Variants in ARHGAP10 observed in about 807,000 individuals in gnomAD.
The protein encoded by ARHGAP10 is rho GTPase-activating protein 10.
In ARHGAP10, 87 loss-of-function variants were observed where a neutral mutation model predicts 108.6. That is an observed-to-expected ratio of 0.80 (90% CI 0.67 to 0.96). ARHGAP10 has a LOEUF of 0.96. Among genes scored for constraint, ARHGAP10 ranks in the 40% least tolerant of loss-of-function variants. The pLI, the probability that ARHGAP10 is intolerant of heterozygous loss-of-function variation, is 0.00. For missense variants in ARHGAP10, 939 were observed against 954.5 expected (o/e 0.98, Z 0.21); for synonymous variants, 347 against 341.1 (o/e 1.02, Z -0.19).
At chr4:147,873,681 A>AACACACACACACACACAC (rs67852364) in intron 7 of ARHGAP10, among the ~76,000 whole-genome samples, 10,673 of 98,498 alleles carry the variant, frequency 0.11, 998 homozygotes, top group South Asian at 0.14. Flanking sequence ...CAAAAAACAA[A>AACACACACACACACACAC]ACACACACAC....
intron 1 of ARHGAP10, among the ~76,000 whole-genome samples, chr4:147,817,716 G>T (rs1732314268): frequency 6.6e-6 from 1 of 152,206 alleles, no homozygotes; most frequent in Non-Finnish European, 1.5e-5. Flanking sequence ...AAGTTCATTT[G>T]AAGGGTGCAG....
chr4:147,930,298 A>G (rs938958701), intron 13 of ARHGAP10, among the ~76,000 whole-genome samples: 2 of 152,174 alleles, frequency 1.3e-5, no homozygotes, highest in Non-Finnish European at 2.9e-5. Flanking sequence ...TTGTTGTTGT[A>G]TCTTTTTCTG....
At chr4:147,746,488 C>T (rs1728930398) in intron 1 of ARHGAP10, among the ~76,000 whole-genome samples, 1 of 151,508 alleles carries the variant, frequency 6.6e-6, no homozygotes, top group Non-Finnish European at 1.5e-5. Flanking sequence ...GCAACCTCCA[C>T]CTCCTGGGTT....
At chr4:147,978,856 G>T (rs114050260) in intron 18 of ARHGAP10, among the ~76,000 whole-genome samples, 1 of 152,092 alleles carries the variant, frequency 6.6e-6, no homozygotes, top group Admixed American at 6.6e-5. Context: ...CCATTTGTCC[G>T]TCTTCTTTTG....
intron 20 of ARHGAP10, among the ~76,000 whole-genome samples, chr4:148,049,042 A>G (rs1335716047): frequency 1.3e-5 from 2 of 150,874 alleles, no homozygotes; most frequent in African/African-American, 2.5e-5. Flanking sequence ...GAATACATCT[A>G]TGTTTCTCTG....
chr4:147,841,406 ACTT>A (rs1340532287), intron 3 of ARHGAP10, among the ~76,000 whole-genome samples: 1 of 152,204 alleles, frequency 6.6e-6, no homozygotes, highest in Non-Finnish European at 1.5e-5. Flanking sequence ...GTATTTGAAA[ACTT>A]CTCAATATTA....
intron 1 of ARHGAP10, among the ~76,000 whole-genome samples, chr4:147,759,921 G>T (rs942940756): frequency 6.6e-6 from 1 of 152,000 alleles, no homozygotes; most frequent in African/African-American, 2.4e-5. Context: ...GCTAATTTTT[G>T]TATTTTTTAG....
rs34876546 is a variant in ARHGAP10, at chr4:148,039,368, A to ATTTTTTTTTTTTT, written c.1868-7507_1868-7495dup. Among the ~76,000 whole-genome samples the ATTTTTTTTTTTTT allele has an allele frequency of 2.6e-4, 19 of 73,090 alleles. 2 individuals carry two copies. Among genetic ancestry groups the ATTTTTTTTTTTTT allele is most frequent in the East Asian group, 1.8e-3 (4 of 2,252 alleles). 47.9% of individuals were successfully genotyped at this position (73,090 alleles called of 152,430 possible). A position where few individuals can be genotyped will look rare whatever the true frequency, so the allele number is the denominator to read the frequency against. On this transcript the variant is annotated intron_variant, in intron 19 of 22. Coordinates refer to ENST00000336498, the MANE Select transcript of ARHGAP10 (RefSeq NM_024605.4). ...TTAATACTTTAAGAATACTACTTCAATTTTTTTTTTTTTTTTTTTTTTTTT... is the reference window on the plus strand; with the variant it reads ...TTAATACTTTAAGAATACTACTTCAATTTTTTTTTTTTTTTTTTTTTTTTTTTTTTTTTTTTTT...
At chr4:147,756,416 C>T (rs1375166801) in intron 1 of ARHGAP10, among the ~76,000 whole-genome samples, 1 of 152,170 alleles carries the variant, frequency 6.6e-6, no homozygotes, top group Non-Finnish European at 1.5e-5. Flanking sequence ...GAGTGTTTCT[C>T]CATTAACTTC....
intron 15 of ARHGAP10, among the ~76,000 whole-genome samples, chr4:147,950,723 A>T (rs561403944): frequency 1.5e-4 from 23 of 151,760 alleles, no homozygotes; most frequent in African/African-American, 5.1e-4. Context: ...TTAACTTCTC[A>T]TGTTTTAGAG....
intron 13 of ARHGAP10, among the ~76,000 whole-genome samples, chr4:147,930,822 T>C (rs1018869166): frequency 6.6e-6 from 1 of 152,228 alleles, no homozygotes; most frequent in African/African-American, 2.4e-5. Context: ...AGCCTTTATC[T>C]CTACCTCTCT....
intron 3 of ARHGAP10, among the ~76,000 whole-genome samples, chr4:147,839,091 CGT>C (rs1733293332): frequency 1.4e-5 from 2 of 139,648 alleles, no homozygotes; most frequent in African/African-American, 2.7e-5. Flanking sequence ...TTAGATCTAT[CGT>C]ATCTATCTAT....
At chr4:147,781,338 GTTTAA>G (rs1560753729) in intron 1 of ARHGAP10, among the ~76,000 whole-genome samples, 1 of 152,064 alleles carries the variant, frequency 6.6e-6, no homozygotes, top group East Asian at 1.9e-4. Flanking sequence ...TGTGGCAACC[GTTTAA>G]TTTTTGACCA....
chr4:148,043,752 A>G (rs553495616), intron 19 of ARHGAP10, among the ~76,000 whole-genome samples: 2 of 142,666 alleles, frequency 1.4e-5, no homozygotes, highest in African/African-American at 5.3e-5. Flanking sequence ...ATATGTATAT[A>G]TGTATATATA....
At chr4:147,817,562 C>G (rs1013369650) in intron 1 of ARHGAP10, among the ~76,000 whole-genome samples, 1 of 152,214 alleles carries the variant, frequency 6.6e-6, no homozygotes, top group Non-Finnish European at 1.5e-5. Context: ...TATCCTACCT[C>G]TCAAACTCAG....
intron 1 of ARHGAP10, among the ~76,000 whole-genome samples, chr4:147,788,039 G>A (rs1026108056): frequency 5.3e-5 from 8 of 152,120 alleles, no homozygotes; most frequent in African/African-American, 1.2e-4. Flanking sequence ...ATTTATCATC[G>A]GTTCCTCTCC....
intron 1 of ARHGAP10, among the ~76,000 whole-genome samples, chr4:147,820,310 C>T (rs1349222855): frequency 6.6e-6 from 1 of 152,126 alleles, no homozygotes; most frequent in African/African-American, 2.4e-5. Context: ...TATTTTGAGA[C>T]AGTCTCATTC....
chr4:148,000,587 G>A (rs1198353840), intron 18 of ARHGAP10, among the ~76,000 whole-genome samples: 1 of 152,184 alleles, frequency 6.6e-6, no homozygotes, highest in Non-Finnish European at 1.5e-5. Context: ...TGCAGCACCT[G>A]TTGTTTCCTG....
chr4:147,869,599 T>C (rs893203678), intron 7 of ARHGAP10, among the ~76,000 whole-genome samples: 1 of 152,188 alleles, frequency 6.6e-6, no homozygotes, highest in African/African-American at 2.4e-5. Context: ...AAAAAGCCTT[T>C]TTTGTATTCT....
Sources: gnomAD v4.1 joint callset for allele counts (sites outside exome capture counted in the v4.1 genomes callset) on GRCh38, gnomAD v4.1.1 for gene constraint, MANE v1.5 for transcripts, NCBI Gene and HGNC (gene_info 2026-07-23, HGNC 2026-07-21) for gene names.